Variants in THSD7B observed in about 807,000 individuals in gnomAD.
THSD7B encodes the protein thrombospondin type 1 domain containing 7B, also known as thrombospondin type-1 domain-containing protein 7B.
Under a neutral mutation model 213.6 loss-of-function variants are expected in THSD7B, and 138 were observed. That is an observed-to-expected ratio of 0.65 (90% CI 0.56 to 0.74). THSD7B has a LOEUF of 0.74. Ranked by LOEUF, THSD7B falls within the 30% of genes least tolerant of loss-of-function variation. The pLI is 0.00. For missense variants in THSD7B, 1,931 were observed against 1,991.5 expected (o/e 0.97, Z 0.58); for synonymous variants, 742 against 687.0 (o/e 1.08, Z -1.25).
intron 25 of THSD7B, among the ~76,000 whole-genome samples, chr2:137,662,229 A>ATTTTTTTTTTTTTT (rs36040861): frequency 6.9e-5 from 7 of 101,832 alleles, no homozygotes; most frequent in African/African-American, 7.9e-5. Context: ...CGCCCGGCTA[A>ATTTTTTTTTTTTTT]TTTTTTTTTT....
intron 1 of THSD7B, among the ~76,000 whole-genome samples, chr2:136,791,931 A>G (rs1355421959): frequency 2.0e-5 from 3 of 151,996 alleles, no homozygotes; most frequent in Non-Finnish European, 4.4e-5. Flanking sequence ...TAGTGACTCT[A>G]TGTTTAACCT....
chr2:137,034,196 CATTGATGGTGCTGGGAAAACTGA>C (rs1266335922), intron 2 of THSD7B, among the ~76,000 whole-genome samples: 2 of 152,012 alleles, frequency 1.3e-5, no homozygotes, highest in African/African-American at 4.8e-5. Context: ...GCCAGCCTAT[CATTGATGGTGCTGGGAAAACTGA>C]CTAGTTATAT....
intron 15 of THSD7B, among the ~76,000 whole-genome samples, chr2:137,525,457 TTACTTA>T (rs551543374): frequency 1.3e-5 from 2 of 152,160 alleles, no homozygotes; most frequent in Non-Finnish European, 2.9e-5. Flanking sequence ...CAAAAGCTAG[TTACTTA>T]TACTTATTTA....
intron 20 of THSD7B, among the ~76,000 whole-genome samples, chr2:137,625,056 C>T (rs2104846596): frequency 6.6e-6 from 1 of 152,082 alleles, no homozygotes; most frequent in South Asian, 2.1e-4. Flanking sequence ...TTCACAATAG[C>T]AAAGACTTGG....
chr2:137,238,748 T>C (rs1364813552), intron 9 of THSD7B, among the ~76,000 whole-genome samples: 1 of 149,442 alleles, frequency 6.7e-6, no homozygotes, highest in Non-Finnish European at 1.5e-5. Context: ...AGAGACGGGG[T>C]TTCACCTTGT....
Position 137,056,661 on chromosome 2 carries a change from G to T in THSD7B, c.381G>T (p.Arg127=). The T allele has an allele frequency of 6.2e-7, 1 of 1,614,008 alleles. No individual in the cohort carries two copies. The highest frequency in any genetic ancestry group is 8.5e-7 in the Non-Finnish European group (1 of 1,179,894). ...ACGCTCGCGGTGAAGTCAAGCCTCGGACTGCAGAGTGTGTGACGGCTCAGC... is the reference window on the plus strand; with the variant it reads ...ACGCTCGCGGTGAAGTCAAGCCTCGTACTGCAGAGTGTGTGACGGCTCAGC... ...VPYARGEVKP[R]TAECVTAQHG... Residue 127 remains arginine, a synonymous_variant, in exon 3 of 28, where the codon CGG becomes CGT. Coordinates refer to ENST00000409968, the MANE Select transcript of THSD7B (RefSeq NM_001316349.2).
At chr2:137,423,265 G>A (rs868774763) in intron 14 of THSD7B, among the ~76,000 whole-genome samples, 5 of 152,008 alleles carry the variant, frequency 3.3e-5, no homozygotes, top group African/African-American at 1.2e-4. Flanking sequence ...ATTCTATTCA[G>A]CACCATGCTG....
At chr2:137,271,475 A>T (rs11884989) in intron 10 of THSD7B, among the ~76,000 whole-genome samples, 5,034 of 139,522 alleles carry the variant, frequency 0.036, 189 homozygotes, top group East Asian at 0.08. Flanking sequence ...ATAATATATA[A>T]TATAAAATCA....
chr2:137,026,856 C>T (rs1046069305), intron 2 of THSD7B, among the ~76,000 whole-genome samples: 28 of 152,078 alleles, frequency 1.8e-4, no homozygotes, highest in South Asian at 4.1e-4. Flanking sequence ...CTTTTTATCT[C>T]GGCAGTTTCC....
rs1002976324 is a variant in THSD7B at position 137,094,916 on chromosome 2, A to G, written c.994A>G (p.Ile332Val). Reference sequence around the variant, plus strand: ...CTTCCCATTGACTGTTCAGTCCTGCATCATGCCCAAAGACTGTGAAACCTC... The same window carrying G: ...CTTCCCATTGACTGTTCAGTCCTGCGTCATGCCCAAAGACTGTGAAACCTC... ...DSFPLTVQSC[I>V]MPKDCETSQW... is the part of the protein sequence containing the mutation. Residue 332 changes from isoleucine to valine, a missense_variant, in exon 4 of 28, where the codon ATC becomes GTC. Ile to Val is a conservative substitution (Grantham distance 29). Transcript: ENST00000409968. The G allele has an allele frequency of 1.7e-5, 27 of 1,613,594 alleles. No individual in the cohort carries two copies. Among genetic ancestry groups the G allele is most frequent in the African/African-American group, 9.4e-5 (7 of 74,836 alleles).
At position 137,176,790 on chromosome 2, in the gene THSD7B, A is replaced by G. The variant is rs969536492; in HGVS notation, c.1723+5852A>G. ...CACCCAGCTTCTTTCTTCTCAGTTG[A>G]AATAGCCTGGAGGTGTATGTTTGAA... On this transcript the variant is annotated intron_variant, in intron 7 of 27. Transcript: ENST00000409968. Among the ~76,000 whole-genome samples the G allele has an allele frequency of 2.2e-4, 33 of 152,298 alleles. 1 individual carries two copies. Among genetic ancestry groups the G allele is most frequent in the Non-Finnish European group, 4.4e-5 (3 of 68,018 alleles).
At chr2:137,034,651 T>C (rs574279728) in intron 2 of THSD7B, among the ~76,000 whole-genome samples, 30 of 152,266 alleles carry the variant, frequency 2.0e-4, no homozygotes, top group African/African-American at 6.7e-4. Flanking sequence ...TGTGTTCTCA[T>C]TGTTCAACTC....
intron 15 of THSD7B, among the ~76,000 whole-genome samples, chr2:137,515,742 A>T (rs568950210): frequency 1.8e-3 from 256 of 140,696 alleles, no homozygotes; most frequent in African/African-American, 6.6e-3. Flanking sequence ...GTTAGCTGAA[A>T]TATAGATTAA....
chr2:136,920,341 C>T (rs958721240), intron 2 of THSD7B, among the ~76,000 whole-genome samples: 2 of 152,050 alleles, frequency 1.3e-5, no homozygotes, highest in Admixed American at 6.5e-5. Flanking sequence ...GACCTGTAGT[C>T]GGTAGTTCCT....
intron 12 of THSD7B, among the ~76,000 whole-genome samples, chr2:137,320,836 C>A (rs1345386686): frequency 1.3e-5 from 2 of 152,180 alleles, no homozygotes; most frequent in Non-Finnish European, 2.9e-5. Flanking sequence ...TCTGACTTAT[C>A]CTCAAAGCCC....
At chr2:137,657,293 T>C in intron 24 of THSD7B, 133 bp downstream of exon 24, 1 of 749,816 alleles carries the variant, frequency 1.3e-6, no homozygotes, top group Non-Finnish European at 2.1e-6. Flanking sequence ...TTATTACAAA[T>C]TTTCATTAGA....
intron 15 of THSD7B, among the ~76,000 whole-genome samples, chr2:137,560,383 T>TA (rs1681085515): frequency 6.6e-6 from 1 of 152,094 alleles, no homozygotes; most frequent in African/African-American, 2.4e-5. Context: ...TATGCAGCCA[T>TA]AAAATATGAT....
chr2:137,310,838 G>A (rs1479978526), intron 12 of THSD7B, among the ~76,000 whole-genome samples: 3 of 151,966 alleles, frequency 2.0e-5, no homozygotes, highest in Non-Finnish European at 4.4e-5. Context: ...TATTTCTGAG[G>A]GCTCTGTTCC....
rs552536433 is a variant in THSD7B, at chr2:137,194,265, G to A, written c.1723+23327G>A. Among the ~76,000 whole-genome samples the A allele has an allele frequency of 3.2e-4, 49 of 152,268 alleles. 1 individual carries two copies. The South Asian group carries it at 9.9e-3, about 31-fold the overall frequency. On this transcript the variant is annotated intron_variant, in intron 7 of 27. Transcript: ENST00000409968. Reference sequence around the variant, plus strand: ...GGAGTTGCTGAGGGTGGGGAAAAGGGGCGTGCTGTAGAAAAGAAAGGGCAG... The same window carrying A: ...GGAGTTGCTGAGGGTGGGGAAAAGGAGCGTGCTGTAGAAAAGAAAGGGCAG...
Sources: allele counts gnomAD v4.1 joint callset (sites outside exome capture counted in the v4.1 genomes callset), GRCh38; gene constraint gnomAD v4.1.1; transcripts MANE v1.5; gene names NCBI Gene and HGNC (gene_info 2026-07-23, HGNC 2026-07-21).